Variants in MYLK3 observed in about 807,000 individuals in gnomAD.
MYLK3 encodes the protein myosin light chain kinase 3, also known as MLC kinase.
MYLK3 carries 55 observed loss-of-function variants against 76.3 expected under a neutral mutation model. The ratio of observed to expected loss-of-function variants is 0.72; its 90% CI spans 0.58 to 0.90. MYLK3 has a LOEUF of 0.90. MYLK3 is among the 40% of genes least tolerant of loss of function. The pLI is 0.00. For synonymous variants in MYLK3, 416 were observed against 425.4 expected, an observed-to-expected ratio of 0.98 and a Z score of 0.27; for missense variants, 973 against 1,053.6, an observed-to-expected ratio of 0.92 and a Z score of 1.06.
intron 1 of MYLK3, among the ~76,000 whole-genome samples, chr16:46,755,232 T>C (rs1967182326): frequency 6.6e-6 from 1 of 152,164 alleles, no homozygotes; most frequent in Admixed American, 6.5e-5. Flanking sequence ...GCTTTGACGA[T>C]ATACTCCAGC....
upstream of MYLK3, among the ~76,000 whole-genome samples, chr16:46,750,367 T>C (rs921159489): frequency 2.7e-5 from 4 of 150,370 alleles, no homozygotes; most frequent in Non-Finnish European, 5.9e-5. Flanking sequence ...TGGAGATCTC[T>C]GGAGAACCAG....
Position 46,710,566 on chromosome 16 carries a change from C to G in MYLK3, c.2267+71G>C, listed in dbSNP as rs1010544379. 3.2e-6 allele frequency: 5 copies of G among 1,543,942 alleles called. No homozygotes were observed. In the Admixed American group the frequency reaches 9.2e-5, roughly 28 times the overall value. ...CAGGAAGAAGGACCTTCACGGTCAG[C>G]AGTCCTGCCCAGCTCCCAGACCTGG... On this transcript the variant is annotated intron_variant, in intron 11 of 12. Transcript: ENST00000394809.
chr16:46,732,798 G>T, intron 3 of MYLK3, 130 bp from the exon 4 acceptor site: 2 of 706,074 alleles, frequency 2.8e-6, no homozygotes, highest in Non-Finnish European at 4.4e-6. Context: ...AGGACACCAG[G>T]GCAGGAGCTG....
Position 46,738,001 on chromosome 16 carries a change from A to G in MYLK3, c.711T>C (p.Pro237=), listed in dbSNP as rs1456699406. 1 of 1,613,530 alleles carries G rather than the reference A, an allele frequency of 6.2e-7. No individual in the cohort carries two copies. Among genetic ancestry groups the G allele is most frequent in the Non-Finnish European group, 8.5e-7 (1 of 1,179,976 alleles). ...CCTTTGTGGGCAGGGGCAGGTGGCC[A>G]GGGAATGCCTGGGCTGGGCCAGGAA... is the stretch of plus-strand genomic sequence containing the variant. The part of the protein sequence containing the change: ...DGVPGPAQAF[P]GHLPLPTKVE... Residue 237 remains proline, a synonymous_variant, in exon 3 of 13, where the codon CCT becomes CCC. Coordinates refer to ENST00000394809, the MANE Select transcript of MYLK3 (RefSeq NM_182493.3).
intron 8 of MYLK3, among the ~76,000 whole-genome samples, chr16:46,722,242 C>T (rs1189146900): frequency 1.3e-5 from 2 of 152,162 alleles, no homozygotes; most frequent in Non-Finnish European, 2.9e-5. Context: ...GGGTCCAGTG[C>T]CTGAGGCCCA....
intron 1 of MYLK3, among the ~76,000 whole-genome samples, chr16:46,744,193 C>T (rs567271383): frequency 3.4e-4 from 52 of 151,896 alleles, no homozygotes; most frequent in Non-Finnish European, 4.4e-4. Flanking sequence ...CCACCATGCC[C>T]GGCTAATTTT....
chr16:46,751,967 G>C (rs761597168), upstream of MYLK3, among the ~76,000 whole-genome samples: 1 of 152,196 alleles, frequency 6.6e-6, no homozygotes, highest in Non-Finnish European at 1.5e-5. Context: ...CCAGAGGATG[G>C]GGAGGCATTG....
chr16:46,724,115 T>C (rs1229872071), intron 8 of MYLK3, among the ~76,000 whole-genome samples: 2 of 152,242 alleles, frequency 1.3e-5, no homozygotes, highest in African/African-American at 4.8e-5. Context: ...TGGATAAATA[T>C]CTATTCAAAT....
chr16:46,707,442 T>C lies in MYLK3; in HGVS notation c.*262A>G. ...GTACCTACCTAAAGCATCCCTACAC[T>C]TACCACCAAAAGTAGGTATATTTGA... On this transcript the variant is annotated 3_prime_UTR_variant, in exon 13 of 13. Coordinates refer to ENST00000394809, the MANE Select transcript of MYLK3 (RefSeq NM_182493.3). 2.5e-6 allele frequency: 1 copy of C among 399,016 alleles called. No homozygotes were observed. The highest frequency in any genetic ancestry group is 4.7e-5 in the South Asian group (1 of 21,156). 24.7% of individuals were successfully genotyped at this position (399,016 alleles called of 1,614,324 possible).
Position 46,704,006 on chromosome 16 carries a change from C to A in MYLK3, c.*3698G>T, listed in dbSNP as rs1043077470. 1 of 153,236 alleles carries A rather than the reference C, an allele frequency of 6.5e-6. No homozygotes were observed. Among genetic ancestry groups the A allele is most frequent in the African/African-American group, 2.4e-5 (1 of 41,442 alleles). The allele number at this position is 153,236 out of a possible 1,614,324, so 9.5% of individuals were successfully genotyped here. On this transcript the variant is annotated 3_prime_UTR_variant, in exon 13 of 13. Transcript: ENST00000394809. ...TTCAAACAACTTGAGTATGTAAATA[C>A]ATTTTCCACAGTAAGTTTTAAGAAA...
chr16:46,735,916 C>T (rs756480806), intron 3 of MYLK3, among the ~76,000 whole-genome samples: 6 of 152,232 alleles, frequency 3.9e-5, no homozygotes, highest in African/African-American at 1.2e-4. Flanking sequence ...GCTGTCTACC[C>T]GCCATGTGGC....
intron 1 of MYLK3, among the ~76,000 whole-genome samples, chr16:46,741,770 A>AT (rs11314898): frequency 5.4e-4 from 73 of 134,070 alleles, no homozygotes; most frequent in African/African-American, 1.5e-3. Flanking sequence ...TGGGCTTGCA[A>AT]TTTTTTTTTT....
chr16:46,712,712 C>T lies in MYLK3; in HGVS notation c.2050G>A (p.Val684Ile), dbSNP rs766750211. The change falls in exon 10 of 13, where the codon GTC (valine) becomes ATC (isoleucine). Residue 684 changes from valine to isoleucine, a missense_variant. By Grantham distance (29) the Val-to-Ile change is conservative. Around this residue, in one of 2 missense-constraint regions of MYLK3, gnomAD observed 332 missense variants for 416.6 expected, o/e 0.80. Coordinates refer to ENST00000394809, the MANE Select transcript of MYLK3 (RefSeq NM_182493.3). Reference sequence around the variant, plus strand: ...GGGAATGAGACAAACTCATAATTGACGACTTCTGGGGCCAGGAACTCAGGA... The same window carrying T: ...GGGAATGAGACAAACTCATAATTGATGACTTCTGGGGCCAGGAACTCAGGA... ...GTPEFLAPEV[V>I]NYEFVSFPTD... 67 of 1,597,834 alleles carry T rather than the reference C, an allele frequency of 4.2e-5. No individual in the cohort carries two copies. The highest frequency in any genetic ancestry group is 1.4e-4 in the African/African-American group (10 of 73,798).
At chr16:46,761,015 C>G (rs1967269538) in intron 1 of MYLK3, among the ~76,000 whole-genome samples, 1 of 152,204 alleles carries the variant, frequency 6.6e-6, no homozygotes, top group Non-Finnish European at 1.5e-5. Context: ...GGCCCCACAT[C>G]TGCAGAAACT....
chr16:46,748,350 G>A, upstream of MYLK3: 1 of 1,337,738 alleles, frequency 7.5e-7, no homozygotes, highest in Non-Finnish European at 9.9e-7. This position sits in a 1 kb window ranked among gnomAD's most constrained non-coding sequence, Gnocchi z 4.3. Flanking sequence ...TGTGTGAGGA[G>A]CGCAGAGGCC....
intron 11 of MYLK3, 106 bp downstream of exon 11, chr16:46,710,531 A>T: frequency 7.8e-7 from 1 of 1,275,280 alleles, no homozygotes; most frequent in Non-Finnish European, 1.1e-6. Flanking sequence ...TCTTGAATGG[A>T]ATTTGTCCAC....
chr16:46,712,960 G>C (rs1368018828), intron 9 of MYLK3, among the ~76,000 whole-genome samples, 184 bp from the exon 10 acceptor site: 3 of 152,144 alleles, frequency 2.0e-5, no homozygotes, highest in African/African-American at 7.2e-5. Flanking sequence ...CAAACTTCTG[G>C]CTTTTCTAAG....
At chr16:46,710,080 C>T (rs999768352) in intron 11 of MYLK3, among the ~76,000 whole-genome samples, 1 of 151,948 alleles carries the variant, frequency 6.6e-6, no homozygotes, top group Admixed American at 6.6e-5. Flanking sequence ...ATTTTTTTTC[C>T]TCTCACATAA....
chr16:46,738,079 C>G lies in MYLK3; in HGVS notation c.633G>C (p.Gly211=). ...CTGCCTGGGCGGGGTCAGCTCCCAG[C>G]CCTGACGCTCTGATGGGGGGCAGCC... ...AERLPPIRAS[G]LGADPAQAVV... The change falls in exon 3 of 13, where the codon GGG becomes GGC. Residue 211 remains glycine, a synonymous_variant. Transcript: ENST00000394809. 2 of 1,597,548 alleles carry G rather than the reference C, an allele frequency of 1.3e-6. No homozygotes were observed. Among genetic ancestry groups the G allele is most frequent in the Non-Finnish European group, 1.7e-6 (2 of 1,172,076 alleles).
Sources: allele counts gnomAD v4.1 joint callset (sites outside exome capture counted in the v4.1 genomes callset), GRCh38; gene constraint gnomAD v4.1.1; regional missense constraint gnomAD v4.1.1; non-coding constraint Gnocchi (gnomAD v3.1); transcripts MANE v1.5; gene names NCBI Gene and HGNC (gene_info 2026-07-23, HGNC 2026-07-21).